Variants in CLSTN2 observed in about 807,000 individuals in gnomAD.
The protein encoded by CLSTN2 is calsyntenin-2.
In CLSTN2, 48 loss-of-function variants were observed where a neutral mutation model predicts 101.2. The observed-to-expected ratio is 0.47, with a 90% confidence interval of 0.38 to 0.60. The LOEUF (loss-of-function observed/expected upper bound fraction) is 0.60, where lower values mean the gene tolerates loss of function less well. Ranked by LOEUF, CLSTN2 falls within the 20% of genes least tolerant of loss-of-function variation. The probability of loss-of-function intolerance (pLI) is 0.00; values close to 1 mark genes in which losing one functional copy is unlikely to be tolerated. For missense variants in CLSTN2, 1,160 were observed against 1,238.2 expected (o/e 0.94, Z 0.95); for synonymous variants, 481 against 463.6 (o/e 1.04, Z -0.48).
At chr3:140,287,174 C>T (rs2086902742) in intron 2 of CLSTN2, among the ~76,000 whole-genome samples, 1 of 151,996 alleles carries the variant, frequency 6.6e-6, no homozygotes, top group Non-Finnish European at 1.5e-5. Context: ...TGAAAAAATC[C>T]AGGTATGAAA....
At chr3:140,089,971 CTTT>C (rs58418539) in intron 1 of CLSTN2, among the ~76,000 whole-genome samples, 3,231 of 49,250 alleles carry the variant, frequency 0.066, 240 homozygotes, top group African/African-American at 0.25. Context: ...CTAGGATTGG[CTTT>C]TTTTTTTTTT....
At chr3:140,275,842 T>C (rs914817531) in intron 2 of CLSTN2, among the ~76,000 whole-genome samples, 4 of 152,166 alleles carry the variant, frequency 2.6e-5, no homozygotes, top group Non-Finnish European at 5.9e-5. Context: ...ATGGAAAGAC[T>C]GAGGTCAATG....
intron 1 of CLSTN2, among the ~76,000 whole-genome samples, chr3:140,108,741 C>T (rs1043939861): frequency 3.3e-5 from 5 of 152,030 alleles, no homozygotes; most frequent in Non-Finnish European, 5.9e-5. Flanking sequence ...ATTTTGAAGC[C>T]CTATTTCTTC....
chr3:140,331,883 G>C (rs1274521373), intron 2 of CLSTN2, among the ~76,000 whole-genome samples: 1 of 152,162 alleles, frequency 6.6e-6, no homozygotes, highest in Non-Finnish European at 1.5e-5. Context: ...AGCTCACTAT[G>C]TCTGTTCCCT....
intron 2 of CLSTN2, among the ~76,000 whole-genome samples, chr3:140,371,623 T>C (rs1401852786): frequency 1.3e-5 from 2 of 152,104 alleles, no homozygotes; most frequent in Non-Finnish European, 2.9e-5. Context: ...ATGGAATCCT[T>C]CCTCACAGAA....
intron 1 of CLSTN2, among the ~76,000 whole-genome samples, chr3:140,103,008 A>G (rs1369679365): frequency 6.6e-6 from 1 of 152,234 alleles, no homozygotes; most frequent in East Asian, 1.9e-4. Context: ...GAAATCAAGT[A>G]TGAAAATCAC....
At chr3:140,123,973 C>G (rs1380045695) in intron 1 of CLSTN2, among the ~76,000 whole-genome samples, 2 of 152,062 alleles carry the variant, frequency 1.3e-5, no homozygotes. Context: ...AACAATCACA[C>G]TGGGGGTTAG....
At chr3:140,459,051 G>C (rs181604410) in intron 6 of CLSTN2, among the ~76,000 whole-genome samples, 59 of 152,262 alleles carry the variant, frequency 3.9e-4, no homozygotes, top group African/African-American at 1.3e-3. Flanking sequence ...TTGTCAACTT[G>C]CTGGCTCTGA....
chr3:140,502,624 C>T (rs1934602527), intron 8 of CLSTN2, among the ~76,000 whole-genome samples: 1 of 152,126 alleles, frequency 6.6e-6, no homozygotes, highest in South Asian at 2.1e-4. Flanking sequence ...GCACATTGTG[C>T]CTGGCATCTA....
chr3:139,938,604 T>C (rs979523432), intron 1 of CLSTN2, among the ~76,000 whole-genome samples: 1 of 152,220 alleles, frequency 6.6e-6, no homozygotes, highest in African/African-American at 2.4e-5. Context: ...TCATGTTCTA[T>C]GAGTAAAGCT....
chr3:140,200,996 G>A (rs1322751546), intron 2 of CLSTN2, among the ~76,000 whole-genome samples: 1 of 152,186 alleles, frequency 6.6e-6, no homozygotes, highest in Non-Finnish European at 1.5e-5. Context: ...GCATCTTGAA[G>A]TCAGGGAGGT....
At chr3:140,490,346 C>T in intron 8 of CLSTN2, among the ~76,000 whole-genome samples, 1 of 150,880 alleles carries the variant, frequency 6.6e-6, no homozygotes, top group East Asian at 2.0e-4. Context: ...TGAAGGCCCC[C>T]AGTTCCTCCA....
intron 1 of CLSTN2, among the ~76,000 whole-genome samples, chr3:140,069,839 G>A (rs1357615190): frequency 6.6e-6 from 1 of 152,172 alleles, no homozygotes; most frequent in Non-Finnish European, 1.5e-5. Context: ...GGATGTAGCT[G>A]GGAGTGCATG....
chr3:140,563,343 C>T (rs1935956167), intron 15 of CLSTN2, 140 bp downstream of exon 15: 3 of 937,916 alleles, frequency 3.2e-6, no homozygotes, highest in South Asian at 1.7e-5. Flanking sequence ...AGAAAATGTG[C>T]CCTGGCTTTG....
intron 2 of CLSTN2, among the ~76,000 whole-genome samples, chr3:140,269,985 A>G (rs1479686616): frequency 6.6e-6 from 1 of 152,216 alleles, no homozygotes; most frequent in Non-Finnish European, 1.5e-5. Context: ...AAGAAAGAGG[A>G]AAAGCGGGCC....
chr3:140,506,593 T>C (rs771300999), intron 8 of CLSTN2: 4 of 152,166 alleles, frequency 2.6e-5, no homozygotes, highest in Non-Finnish European at 4.4e-5. Flanking sequence ...TGACCACCAT[T>C]CATCGATCCA....
chr3:140,378,745 G>A lies in CLSTN2; in HGVS notation c.233-24884G>A, dbSNP rs560290410. Among the ~76,000 whole-genome samples the A allele has an allele frequency of 2.8e-3, 429 of 152,272 alleles. 3 individuals carry two copies. Among genetic ancestry groups the A allele is most frequent in the Non-Finnish European group, 2.9e-3 (194 of 68,016 alleles). ...ATACTGGGTGACTTACGGGCTGTGT[G>A]GCCTTGGGTGAGTCACGTAGCCTCT... On this transcript the variant is annotated intron_variant, in intron 2 of 16. Transcript: ENST00000458420.
At chr3:140,281,991 G>C (rs367692834) in intron 2 of CLSTN2, among the ~76,000 whole-genome samples, 3 of 152,176 alleles carry the variant, frequency 2.0e-5, no homozygotes, top group Admixed American at 6.5e-5. Context: ...AAATGTAATA[G>C]TGACATTATT....
intron 1 of CLSTN2, among the ~76,000 whole-genome samples, chr3:140,160,026 G>A (rs1423066553): frequency 2.0e-5 from 3 of 151,984 alleles, no homozygotes; most frequent in Non-Finnish European, 4.4e-5. Context: ...AGTAGCATGG[G>A]GAGAGGGTGT....
Sources: gnomAD v4.1 joint callset for allele counts (sites outside exome capture counted in the v4.1 genomes callset) on GRCh38, gnomAD v4.1.1 for gene constraint, MANE v1.5 for transcripts, NCBI Gene and HGNC (gene_info 2026-07-23, HGNC 2026-07-21) for gene names.